Variants in PRKDC observed in about 807,000 individuals in gnomAD.
The protein encoded by PRKDC is DNA-dependent protein kinase catalytic subunit.
Under a neutral mutation model 486.9 loss-of-function variants are expected in PRKDC, and 82 were observed. The ratio of observed to expected loss-of-function variants is 0.17; its 90% CI spans 0.14 to 0.20. The LOEUF is 0.20. Among genes scored for constraint, PRKDC ranks in the 10% least tolerant of loss-of-function variants. The pLI is 1.00. For synonymous variants in PRKDC, 1,895 were observed against 1,837.0 expected (o/e 1.03, Z -0.81); for missense variants, 4,504 against 5,038.2 (o/e 0.89, Z 3.21).
intron 49 of PRKDC, among the ~76,000 whole-genome samples, chr8:47,856,284 G>A (rs1418648427): frequency 6.6e-6 from 1 of 152,106 alleles, no homozygotes; most frequent in Non-Finnish European, 1.5e-5. Context: ...TGGAGCTACA[G>A]TAGTGCCATT....
intron 21 of PRKDC, among the ~76,000 whole-genome samples, chr8:47,925,894 T>G (rs2090149361): frequency 6.6e-6 from 1 of 152,188 alleles, no homozygotes; most frequent in African/African-American, 2.4e-5. Flanking sequence ...TTCTGGAAGT[T>G]TGATACATCA....
chr8:47,902,643 G>A lies in PRKDC; in HGVS notation c.3195C>T (p.Ser1065=), dbSNP rs1471080816. ...TGAAAGCATTGGGGTGAAGCGCAAG[G>A]CTATAAAGTCGCTTGAAAAGCGATT... ...NTKSLFKRLY[S]LALHPNAFKR... is the part of the protein sequence containing the mutation. The change falls in exon 27 of 86, where the codon AGC becomes AGT. Residue 1065 remains serine (S), a synonymous_variant. Transcript: ENST00000314191. 5 of 1,613,568 alleles carry A rather than the reference G, an allele frequency of 3.1e-6. No homozygotes were observed. The highest frequency in any genetic ancestry group is 1.7e-5 in the Admixed American group (1 of 59,986).
At chr8:47,945,582 C>T (rs2154504249) in intron 7 of PRKDC, among the ~76,000 whole-genome samples, 1 of 152,326 alleles carries the variant, frequency 6.6e-6, no homozygotes, top group East Asian at 1.9e-4. Flanking sequence ...GTCAGACTTT[C>T]CTGCCTTTTT....
At chr8:47,801,025 A>G (rs1563741539) in intron 70 of PRKDC, 39 bp from the exon 71 acceptor site, 10 of 1,553,010 alleles carry the variant, frequency 6.4e-6, no homozygotes, top group African/African-American at 2.7e-5. Flanking sequence ...AAAATTTTGT[A>G]TGTGTGTGTG....
chr8:47,859,797 A>C (rs1178927876), intron 45 of PRKDC, 38 bp from the exon 46 acceptor site: 2 of 1,537,010 alleles, frequency 1.3e-6, no homozygotes, highest in South Asian at 1.2e-5. Context: ...ATGTATTCAA[A>C]CATAATTAGT....
At chr8:47,873,738 G>A (rs2154501127) in intron 40 of PRKDC, among the ~76,000 whole-genome samples, 1 of 152,298 alleles carries the variant, frequency 6.6e-6, no homozygotes, top group Middle Eastern at 3.4e-3. Flanking sequence ...AGTATCTTAT[G>A]TGAAATAAGT....
At chr8:47,857,799 G>A (rs552762372) in intron 48 of PRKDC, among the ~76,000 whole-genome samples, 2 of 152,076 alleles carry the variant, frequency 1.3e-5, no homozygotes, top group African/African-American at 4.8e-5. Flanking sequence ...TGACAGACTC[G>A]CCATGTCTGC....
At chr8:47,887,314 AACAAAGTGGGATAG>A (rs1289192182) in intron 35 of PRKDC, among the ~76,000 whole-genome samples, 1 of 152,248 alleles carries the variant, frequency 6.6e-6, no homozygotes, top group Non-Finnish European at 1.5e-5. Context: ...TCCTTTTGGA[AACAAAGTGGGATAG>A]ACAAAACCTC....
At position 47,803,444 on chromosome 8, in the gene PRKDC, G is replaced by C. The variant is rs980839570; in HGVS notation, c.9784C>G (p.Leu3262Val). ...TCTCTGGTTTTTGACTCTTTATGCAGCTCCTTCAGTAGTTTCATAGCAAGT... is the reference window on the plus strand; with the variant it reads ...TCTCTGGTTTTTGACTCTTTATGCACCTCCTTCAGTAGTTTCATAGCAAGT... Reference protein sequence around the residue: ...FSLAMKLLKELHKESKTRDDW... With the variant: ...FSLAMKLLKEVHKESKTRDDW... Residue 3262 changes from leucine (L) to valine (V), a missense_variant, in exon 70 of 86, where the codon CTG becomes GTG. By Grantham distance (32) the Leu-to-Val change is conservative. Around this residue, in one of 6 missense-constraint regions of PRKDC, gnomAD observed 1,592 missense variants for 1,724.6 expected, o/e 0.92. Coordinates refer to ENST00000314191, the MANE Select transcript of PRKDC (RefSeq NM_006904.7). 2 of 1,613,872 alleles carry C rather than the reference G, an allele frequency of 1.2e-6. No individual in the cohort carries two copies. The highest frequency in any genetic ancestry group is 1.7e-5 in the Admixed American group (1 of 59,998).
At chr8:47,910,743 CAAT>C (rs2089885544) in intron 25 of PRKDC, among the ~76,000 whole-genome samples, 2 of 152,196 alleles carry the variant, frequency 1.3e-5, no homozygotes, top group African/African-American at 2.4e-5. Context: ...ACGTTTTTTT[CAAT>C]AATGACTTCT....
intron 71 of PRKDC, among the ~76,000 whole-genome samples, chr8:47,799,708 C>G (rs906007173): frequency 6.6e-6 from 1 of 152,174 alleles, no homozygotes; most frequent in African/African-American, 2.4e-5. Flanking sequence ...AAGTCGGCTC[C>G]TGCACTCAGT....
At chr8:47,859,900 T>C (rs759706015) in intron 45 of PRKDC, 141 bp from the exon 46 acceptor site, 1 of 896,446 alleles carries the variant, frequency 1.1e-6, no homozygotes, top group African/African-American at 1.7e-5. Flanking sequence ...TAACCTATTA[T>C]CCAGATTAAG....
chr8:47,836,889 AC>A (rs944086995), intron 57 of PRKDC, among the ~76,000 whole-genome samples: 20 of 152,178 alleles, frequency 1.3e-4, no homozygotes, highest in Non-Finnish European at 2.1e-4. Flanking sequence ...GAGGGGCCCT[AC>A]CCCAGGAGCT....
chr8:47,847,934 G>C (rs1372903964), intron 54 of PRKDC, among the ~76,000 whole-genome samples: 1 of 151,520 alleles, frequency 6.6e-6, no homozygotes, highest in East Asian at 1.9e-4. Context: ...AAATGCAAAT[G>C]AGATACCATC....
At position 47,821,635 on chromosome 8, in the gene PRKDC, A is replaced by G; in HGVS notation, c.9080T>C (p.Leu3027Pro). ...ASIDSENPPDLNKIWSEPFYQ... is the reference protein window; with the variant it reads ...ASIDSENPPDPNKIWSEPFYQ... The stretch of plus-strand genomic sequence containing the variant: ...AAATGGTTCACTCCAGATTTTATTT[A>G]GGTCTGGGGGGTTCTCACTGTCTAT... Residue 3027 changes from leucine to proline, a missense_variant, in exon 65 of 86, where the codon CTA becomes CCA. Transcript: ENST00000314191. The G allele has an allele frequency of 6.2e-7, 1 of 1,601,530 alleles. No individual in the cohort carries two copies. The highest frequency in any genetic ancestry group is 1.3e-5 in the African/African-American group (1 of 74,838).
At chr8:47,871,212 T>C (rs922502426) in intron 40 of PRKDC, among the ~76,000 whole-genome samples, 4 of 152,186 alleles carry the variant, frequency 2.6e-5, no homozygotes, top group Middle Eastern at 3.4e-3. Flanking sequence ...TTGAGAAAGA[T>C]AGCAATATTC....
Position 47,893,339 on chromosome 8 carries a change from CCTT to C in PRKDC, c.3644_3646del (p.Glu1215del), listed in dbSNP as rs755934491. The C allele has an allele frequency of 1.7e-5, 27 of 1,570,080 alleles. No homozygotes were observed. Among genetic ancestry groups the C allele is most frequent in the African/African-American group, 4.1e-5 (3 of 73,856 alleles). On this transcript the variant is annotated inframe_deletion, in exon 31 of 86. Transcript: ENST00000314191. ...AAAGGTGTTGATGAGAAAAGAGACA[CCTT>C]CTTCCTTGAGAACATCTTTCAGCCA...
At chr8:47,936,644 A>G (rs565383253) in intron 11 of PRKDC, 127 bp from the exon 12 acceptor site, 2 of 1,085,518 alleles carry the variant, frequency 1.8e-6, no homozygotes, top group South Asian at 1.7e-5. Context: ...TTTGAGACGA[A>G]GTTTCGCTCT....
At chr8:47,886,369 C>G (rs2089331694) in intron 35 of PRKDC, among the ~76,000 whole-genome samples, 1 of 152,188 alleles carries the variant, frequency 6.6e-6, no homozygotes, top group Non-Finnish European at 1.5e-5. Flanking sequence ...CATATTTCTT[C>G]CAAATGTCCA....
Sources: gnomAD v4.1 joint callset for allele counts (sites outside exome capture counted in the v4.1 genomes callset) on GRCh38, gnomAD v4.1.1 for gene constraint, gnomAD v4.1.1 regional missense constraint, MANE v1.5 for transcripts, NCBI Gene and HGNC (gene_info 2026-07-23, HGNC 2026-07-21) for gene names.